TSHZ2: variants seen among roughly 807,000 people sequenced by gnomAD.
TSHZ2 encodes teashirt zinc finger homeobox 2, also known as teashirt homolog 2.
In TSHZ2, 21 loss-of-function variants were observed where a neutral mutation model predicts 74.4. The observed-to-expected ratio is 0.28, with a 90% CI of 0.20 to 0.41. The LOEUF (loss-of-function observed/expected upper bound fraction) is 0.41. Ranked by LOEUF, TSHZ2 falls within the 10% of genes least tolerant of loss-of-function variation. TSHZ2 has a pLI of 1.00. For synonymous variants in TSHZ2, 540 were observed against 515.3 expected, an observed-to-expected ratio of 1.05 and a Z score of -0.65; for missense variants, 1,244 against 1,293.5, an observed-to-expected ratio of 0.96 and a Z score of 0.59.
chr20:53,317,867 A>T (rs1398847609), intron 2 of TSHZ2, among the ~76,000 whole-genome samples: 1 of 152,206 alleles, frequency 6.6e-6, no homozygotes, highest in East Asian at 1.9e-4. Context: ...TCTGTTCTGC[A>T]GGGTGGAGTC....
At chr20:53,270,295 G>A (rs1305231920) in intron 2 of TSHZ2, among the ~76,000 whole-genome samples, 1 of 152,166 alleles carries the variant, frequency 6.6e-6, no homozygotes, top group East Asian at 1.9e-4. Flanking sequence ...AATGACTGAT[G>A]TGGAGTACCA....
chr20:53,243,384 T>A (rs1990116892), intron 1 of TSHZ2, among the ~76,000 whole-genome samples: 1 of 152,190 alleles, frequency 6.6e-6, no homozygotes, highest in African/African-American at 2.4e-5. Context: ...GAGCAGTACC[T>A]GACAGAAGTG....
At chr20:53,369,091 G>A (rs1396172862) in intron 2 of TSHZ2, among the ~76,000 whole-genome samples, 8 of 151,642 alleles carry the variant, frequency 5.3e-5, no homozygotes. Context: ...GCGAAACCCC[G>A]TCTCTACAAA....
At chr20:53,207,610 T>C (rs1767079524) in intron 1 of TSHZ2, among the ~76,000 whole-genome samples, 1 of 152,156 alleles carries the variant, frequency 6.6e-6, no homozygotes, top group South Asian at 2.1e-4. Context: ...ATCCCACTTT[T>C]ATAACTTAGA....
intron 1 of TSHZ2, among the ~76,000 whole-genome samples, chr20:53,190,353 C>A (rs1031205866): frequency 6.6e-6 from 1 of 151,564 alleles, no homozygotes; most frequent in Admixed American, 6.6e-5. Context: ...ACACAGCCCC[C>A]ATTAATGACT....
chr20:53,190,126 TATA>T (rs1386782616), intron 1 of TSHZ2, among the ~76,000 whole-genome samples: 16 of 99,398 alleles, frequency 1.6e-4, no homozygotes, highest in African/African-American at 6.2e-4. Context: ...TATATATATA[TATA>T]TATATATATT....
Position 53,319,587 on chromosome 20 carries a change from G to A in TSHZ2, c.*8+63016G>A, listed in dbSNP as rs543560657. Among the ~76,000 whole-genome samples, 96 of 152,246 alleles carry A rather than the reference G, an allele frequency of 6.3e-4. 1 individual carries two copies. The Middle Eastern group carries it at 0.01, about 16-fold the overall frequency. On this transcript the variant is annotated intron_variant, in intron 2 of 2. Coordinates refer to ENST00000371497, the MANE Select transcript of TSHZ2 (RefSeq NM_173485.6). ...AGTGACATTTGGGCTGTACCCAAAT[G>A]AGAAAGAGCCAGCCATGGCTAGAGT...
chr20:53,254,931 T>C lies in TSHZ2; in HGVS notation c.1473T>C (p.Pro491=), dbSNP rs944172104. 5 of 1,613,800 alleles carry C rather than the reference T, an allele frequency of 3.1e-6. No individual in the cohort carries two copies. The highest frequency in any genetic ancestry group is 4.2e-6 in the Non-Finnish European group (5 of 1,179,984). ...ACTATGAAGATCCTCTACAAAAACC[T>C]TTAGACCCTACAATCAAATATCAAT... is the stretch of plus-strand genomic sequence containing the variant. ...SEDYEDPLQK[P]LDPTIKYQYL... Residue 491 remains proline, a synonymous_variant, in exon 2 of 3, where the codon CCT becomes CCC. Coordinates refer to ENST00000371497, the MANE Select transcript of TSHZ2 (RefSeq NM_173485.6).
At chr20:53,090,559 G>C (rs1472743311) in intron 1 of TSHZ2, among the ~76,000 whole-genome samples, 1 of 152,192 alleles carries the variant, frequency 6.6e-6, no homozygotes, top group Non-Finnish European at 1.5e-5. Flanking sequence ...AACTTTGGCT[G>C]GGTTTGGAAT....
At position 53,136,101 on chromosome 20, in the gene TSHZ2, A is replaced by T. The variant is rs139310809; in HGVS notation, c.41-117398A>T. 2.0e-3 allele frequency among the ~76,000 whole-genome samples: 304 copies of T among 152,344 alleles called. 1 individual carries two copies. The highest frequency in any genetic ancestry group is 7.0e-3 in the African/African-American group (291 of 41,594). On this transcript the variant is annotated intron_variant, in intron 1 of 2. Transcript: ENST00000371497. ...TCTTGCTGGTGGGGACACTCCACAGAGTCCCAAGGTAGCATAGGGCATCAC... is the reference window on the plus strand; with the variant it reads ...TCTTGCTGGTGGGGACACTCCACAGTGTCCCAAGGTAGCATAGGGCATCAC...
intron 1 of TSHZ2, among the ~76,000 whole-genome samples, chr20:53,246,065 A>G (rs1990197831): frequency 8.8e-6 from 1 of 113,280 alleles, no homozygotes; most frequent in Admixed American, 8.2e-5. Context: ...TTTGAGACAG[A>G]GTCTTGCTAT....
chr20:53,203,264 G>A (rs1383718532), intron 1 of TSHZ2, among the ~76,000 whole-genome samples: 3 of 149,338 alleles, frequency 2.0e-5, no homozygotes, highest in Non-Finnish European at 4.4e-5. Context: ...GCACGATCTC[G>A]GCTCACTGCA....
intron 1 of TSHZ2, among the ~76,000 whole-genome samples, chr20:53,085,799 G>A (rs1422166481): frequency 6.6e-6 from 1 of 152,170 alleles, no homozygotes; most frequent in African/African-American, 2.4e-5. Context: ...GCAAAGTCAT[G>A]CCCATTACTG....
intron 1 of TSHZ2, among the ~76,000 whole-genome samples, chr20:53,066,230 G>A (rs1301025895): frequency 6.6e-6 from 1 of 151,778 alleles, no homozygotes; most frequent in Admixed American, 6.6e-5. Context: ...TCAAGGGGAA[G>A]GGTTGGTTTA....
intron 1 of TSHZ2, among the ~76,000 whole-genome samples, chr20:53,184,665 ATC>A (rs1988560005): frequency 6.6e-6 from 1 of 151,928 alleles, no homozygotes; most frequent in Admixed American, 6.6e-5. Flanking sequence ...TCAGTCAACA[ATC>A]TCTATTTTTC....
In TSHZ2 at chr20:52,973,397, C is replaced by A. The variant is rs574511199; in HGVS notation, c.40+64C>A. The A allele has an allele frequency of 2.7e-5, 42 of 1,541,092 alleles. No homozygotes were observed. The South Asian group carries it at 4.3e-4, about 16-fold the overall frequency. On this transcript the variant is annotated intron_variant, in intron 1 of 2. Transcript: ENST00000371497. ...CCGAGCTCCTCGCCCGCCCTCCTTG[C>A]CCCTGGGTGCCCGGGGGCACCACCC... is the stretch of plus-strand genomic sequence containing the variant.
intron 1 of TSHZ2, among the ~76,000 whole-genome samples, chr20:53,046,088 C>A (rs1360929865): frequency 1.3e-5 from 2 of 152,120 alleles, no homozygotes; most frequent in African/African-American, 4.8e-5. Context: ...GCTTTCAAAG[C>A]ATTCCCGATG....
chr20:53,358,329 CTTTTTTTTTTTTTTT>C (rs57906027), intron 2 of TSHZ2, among the ~76,000 whole-genome samples: 2 of 67,046 alleles, frequency 3.0e-5, no homozygotes, highest in African/African-American at 1.3e-4. Flanking sequence ...TTCTGTGGTT[CTTTTTTTTTTTTTTT>C]TTTTTTTTTT....
intron 1 of TSHZ2, among the ~76,000 whole-genome samples, chr20:53,191,962 T>C (rs1325085941): frequency 6.6e-6 from 1 of 152,210 alleles, no homozygotes; most frequent in Non-Finnish European, 1.5e-5. Flanking sequence ...TTATTTTGCT[T>C]TGGTTCCAGT....
Sources: allele counts gnomAD v4.1 joint callset (sites outside exome capture counted in the v4.1 genomes callset), GRCh38; gene constraint gnomAD v4.1.1; transcripts MANE v1.5; gene names NCBI Gene and HGNC (gene_info 2026-07-23, HGNC 2026-07-21).